SEMA4A: variants seen among roughly 807,000 people sequenced by gnomAD.
The protein encoded by SEMA4A is semaphorin-4A.
Under a neutral mutation model 72.5 loss-of-function variants are expected in SEMA4A, and 52 were observed. The observed-to-expected ratio is 0.72, with a 90% CI of 0.57 to 0.90. The LOEUF is 0.90. Among genes scored for constraint, SEMA4A ranks in the 40% least tolerant of loss-of-function variants. The pLI is 0.00. For synonymous variants in SEMA4A, 369 were observed against 393.1 expected (o/e 0.94, Z 0.73); for missense variants, 926 against 959.7 (o/e 0.96, Z 0.46).
At chr1:156,150,282 C>T (rs1169012278), upstream of SEMA4A, 1 of 152,566 alleles carries the variant, frequency 6.6e-6, no homozygotes, top group East Asian at 1.9e-4. Flanking sequence ...TTAGGAGGGA[C>T]TGAGCTGGTG....
Position 156,161,511 on chromosome 1 carries a change from T to A in SEMA4A, c.976T>A (p.Ser326Thr). 6.2e-7 allele frequency: 1 copy of A among 1,613,834 alleles called. No homozygotes were observed. ...TAPHIYAVFT[S>T]QWQVGGTRSS... ...TCCCCACATCTACGCAGTCTTCACC[T>A]CCCAGTGGTGAGCAGCAGGGCTGGA... The change falls in exon 9 of 15, where the codon TCC becomes ACC. Residue 326 changes from serine (S) to threonine (T), a missense_variant. By Grantham distance (58) the Ser-to-Thr change is moderately conservative. Transcript: ENST00000368285.
chr1:156,173,126 G>A, intron 11 of SEMA4A, 120 bp downstream of exon 11: 2 of 1,030,196 alleles, frequency 1.9e-6, no homozygotes, highest in South Asian at 1.4e-5. Flanking sequence ...CTGAGCACCT[G>A]CTATGTGCCT....
At position 156,176,876 on chromosome 1, in the gene SEMA4A, T is replaced by C. The variant is rs756081306; in HGVS notation, c.2165T>C (p.Leu722Pro). 30 of 1,614,122 alleles carry C rather than the reference T, an allele frequency of 1.9e-5. 2 individuals are homozygous for C. The South Asian group carries it at 3.3e-4, about 18-fold the overall frequency. Reference sequence around the variant, plus strand: ...GGCAAGGTTCAGGGCTGTGAGACCCTGCGCCCTGGGGAGAAGGCCCCGTTA... The same window carrying C: ...GGCAAGGTTCAGGGCTGTGAGACCCCGCGCCCTGGGGAGAAGGCCCCGTTA... The part of the protein sequence containing the change: ...ARGKVQGCET[L>P]RPGEKAPLSR... Residue 722 changes from leucine (L) to proline (P), a missense_variant, in exon 15 of 15, where the codon CTG becomes CCG. Physicochemically the swap from Leu to Pro is moderately conservative, Grantham distance 98. Coordinates refer to ENST00000368285, the MANE Select transcript of SEMA4A (RefSeq NM_022367.4).
chr1:156,149,384 G>A (rs1652358638), upstream of SEMA4A, among the ~76,000 whole-genome samples: 1 of 152,170 alleles, frequency 6.6e-6, no homozygotes, highest in Non-Finnish European at 1.5e-5. Flanking sequence ...ATACATCTCA[G>A]AGGGTGTTAG....
At chr1:156,163,478 TG>T (rs1653871292) in intron 10 of SEMA4A, among the ~76,000 whole-genome samples, 1 of 151,928 alleles carries the variant, frequency 6.6e-6, no homozygotes, top group Non-Finnish European at 1.5e-5. Flanking sequence ...TCCCAACACT[TG>T]GGGAGGCCGA....
chr1:156,148,237 G>T (rs560902504), upstream of SEMA4A, among the ~76,000 whole-genome samples: 35 of 152,292 alleles, frequency 2.3e-4, no homozygotes, highest in African/African-American at 8.4e-4. Context: ...CTTCCTTCCT[G>T]TTATCATACT....
intron 2 of SEMA4A, chr1:156,155,984 G>T: frequency 3.8e-6 from 1 of 261,512 alleles, no homozygotes; most frequent in Non-Finnish European, 7.6e-6. Flanking sequence ...GGGGTGGTTG[G>T]GGGGATGGCG....
chr1:156,169,114 C>T (rs907068085), intron 10 of SEMA4A, among the ~76,000 whole-genome samples: 2 of 152,166 alleles, frequency 1.3e-5, no homozygotes, highest in African/African-American at 4.8e-5. Flanking sequence ...AGAGTACCTG[C>T]CTGTTTCTTA....
chr1:156,174,774 A>G (rs1203654031), intron 11 of SEMA4A, 48 bp from the exon 12 acceptor site: 3 of 1,613,634 alleles, frequency 1.9e-6, no homozygotes, highest in Non-Finnish European at 2.5e-6. Context: ...TTGGGAAGGG[A>G]TCTGTGGATG....
intron 10 of SEMA4A, among the ~76,000 whole-genome samples, chr1:156,168,909 G>A (rs962392703): frequency 2.0e-5 from 3 of 152,158 alleles, no homozygotes. Flanking sequence ...AGGGGAAGAG[G>A]GTTGGGTTTG....
At chr1:156,149,572 A>T (rs1369012625), upstream of SEMA4A, among the ~76,000 whole-genome samples, 1 of 152,110 alleles carries the variant, frequency 6.6e-6, no homozygotes, top group Non-Finnish European at 1.5e-5. Context: ...TTGCATAGAT[A>T]TTTGTGGGCT....
intron 10 of SEMA4A, among the ~76,000 whole-genome samples, chr1:156,169,295 TAAGTC>T (rs977956207): frequency 6.6e-6 from 1 of 152,098 alleles, no homozygotes; most frequent in African/African-American, 2.4e-5. Context: ...CTTTCTCTGT[TAAGTC>T]TTTTCTATTT....
At chr1:156,164,179 G>T (rs1653951424) in intron 10 of SEMA4A, among the ~76,000 whole-genome samples, 1 of 151,704 alleles carries the variant, frequency 6.6e-6, no homozygotes, top group Admixed American at 6.6e-5. Flanking sequence ...AAATGAAATA[G>T]ATCTATAGGG....
At chr1:156,158,959 T>C in intron 6 of SEMA4A, 135 bp downstream of exon 6, 1 of 768,906 alleles carries the variant, frequency 1.3e-6, no homozygotes, top group Non-Finnish European at 2.3e-6. Context: ...CCCAGTTATT[T>C]GGAAGCTGAA....
Position 156,158,379 on chromosome 1 carries a change from C to T in SEMA4A, c.364-9C>T. The stretch of plus-strand genomic sequence containing the variant: ...TGGCCTGGAGACCTAAATTCTCTGT[C>T]TCCCTCAGACACAGTGTTTCAACTT... On this transcript the variant is annotated splice_polypyrimidine_tract_variant and intron_variant, in intron 4 of 14. Transcript: ENST00000368285. The T allele has an allele frequency of 3.7e-6, 6 of 1,608,744 alleles. No individual in the cohort carries two copies. The highest frequency in any genetic ancestry group is 5.1e-6 in the Non-Finnish European group (6 of 1,175,088).
rs763391247 is a variant in SEMA4A, at chr1:156,160,909, C to T, written c.690C>T (p.Asp230=). 2 of 1,613,634 alleles carry T rather than the reference C, an allele frequency of 1.2e-6. No homozygotes were observed. Among genetic ancestry groups the T allele is most frequent in the South Asian group, 2.2e-5 (2 of 91,052 alleles). Residue 230 remains aspartate, a synonymous_variant, in exon 8 of 15, where the codon GAC becomes GAT. Transcript: ENST00000368285. ...CCATCTGCCCCTCCCCCGCAGATGACGCCTCCTTTGTGGCAGCCATCCCTT... is the reference window on the plus strand; with the variant it reads ...CCATCTGCCCCTCCCCCGCAGATGATGCCTCCTTTGTGGCAGCCATCCCTT... ...TDNFLRWLHH[D]ASFVAAIPST...
upstream of SEMA4A, among the ~76,000 whole-genome samples, chr1:156,149,408 C>T (rs1247408586): frequency 6.6e-6 from 1 of 152,170 alleles, no homozygotes. Flanking sequence ...CAGAAGGCTT[C>T]TGGGGGAGCC....
At chr1:156,166,715 G>A (rs979791620) in intron 10 of SEMA4A, among the ~76,000 whole-genome samples, 4 of 152,104 alleles carry the variant, frequency 2.6e-5, no homozygotes, top group African/African-American at 9.7e-5. Context: ...GATCACCTGA[G>A]GTGAGGAGTT....
At chr1:156,159,335 A>G (rs1030892963) in intron 6 of SEMA4A, among the ~76,000 whole-genome samples, 2 of 152,128 alleles carry the variant, frequency 1.3e-5, no homozygotes, top group African/African-American at 4.8e-5. Context: ...CTCTGTCTCA[A>G]AACAAAACAA....
Sources: gnomAD v4.1 joint callset for allele counts (sites outside exome capture counted in the v4.1 genomes callset) on GRCh38, gnomAD v4.1.1 for gene constraint, MANE v1.5 for transcripts, NCBI Gene and HGNC (gene_info 2026-07-23, HGNC 2026-07-21) for gene names.